Variants in PDS5B observed in about 807,000 individuals in gnomAD.
The protein encoded by PDS5B is sister chromatid cohesion protein PDS5 homolog B.
PDS5B carries 51 observed loss-of-function variants against 184.1 expected under a neutral mutation model. The ratio of observed to expected loss-of-function variants is 0.28; its 90% CI spans 0.22 to 0.35. The LOEUF (loss-of-function observed/expected upper bound fraction) is 0.35. Among genes scored for constraint, PDS5B ranks in the 10% least tolerant of loss-of-function variants. The pLI is 1.00. For missense variants in PDS5B, 1,180 were observed against 1,723.3 expected (o/e 0.68, Z 5.58); for synonymous variants, 566 against 569.2 (o/e 0.99, Z 0.08).
chr13:32,758,447 T>C (rs1483692388), intron 27 of PDS5B, 87 bp from the exon 28 acceptor site: 5 of 1,307,196 alleles, frequency 3.8e-6, no homozygotes, highest in Non-Finnish European at 5.4e-6. Context: ...CTATTCAGAC[T>C]GGATTCATGT....
intron 1 of PDS5B, among the ~76,000 whole-genome samples, chr13:32,615,144 G>C (rs1049606670): frequency 9.9e-5 from 15 of 152,070 alleles, no homozygotes; most frequent in African/African-American, 3.6e-4. Flanking sequence ...TTTTGTGATA[G>C]CATGTTTTGT....
intron 1 of PDS5B, among the ~76,000 whole-genome samples, chr13:32,599,049 C>T (rs1331123599): frequency 6.6e-6 from 1 of 152,130 alleles, no homozygotes; most frequent in East Asian, 1.9e-4. Flanking sequence ...GGATTACAGG[C>T]GTGAGCCACC....
chr13:32,655,374 A>ATATATATATATATTTTTTT, intron 3 of PDS5B, among the ~76,000 whole-genome samples: 7 of 72,458 alleles, frequency 9.7e-5, no homozygotes, highest in African/African-American at 4.1e-4. Context: ...ATATATATAT[A>ATATATATATATATTTTTTT]TTTTTTTTTT....
chr13:32,742,861 T>A, intron 23 of PDS5B, 134 bp downstream of exon 23: 1 of 777,828 alleles, frequency 1.3e-6, no homozygotes, highest in Non-Finnish European at 2.1e-6. Context: ...ATATTTTTAC[T>A]GGAATATGCT....
chr13:32,654,324 T>C (rs1044328634), intron 3 of PDS5B, among the ~76,000 whole-genome samples: 1 of 152,210 alleles, frequency 6.6e-6, no homozygotes, highest in Non-Finnish European at 1.5e-5. Flanking sequence ...CAGTTAGTTA[T>C]TGTCATCAGC....
chr13:32,656,276 T>C (rs946503260), intron 3 of PDS5B, among the ~76,000 whole-genome samples: 41 of 147,502 alleles, frequency 2.8e-4, no homozygotes, highest in East Asian at 1.6e-3. Context: ...CCAGCTTCTT[T>C]TTTTTTTTTT....
intron 14 of PDS5B, 34 bp from the exon 15 acceptor site, chr13:32,696,820 A>AT: frequency 6.6e-7 from 1 of 1,525,340 alleles, no homozygotes; most frequent in Non-Finnish European, 9.0e-7. Flanking sequence ...TTGTTAGGGA[A>AT]TTTTAATTTT....
At position 32,710,028 on chromosome 13, in the gene PDS5B, A is replaced by G. The variant is rs1184067850; in HGVS notation, c.2045A>G (p.Glu682Gly). 1 of 1,553,422 alleles carries G rather than the reference A, an allele frequency of 6.4e-7. No individual in the cohort carries two copies. The highest frequency in any genetic ancestry group is 1.7e-4 in the Middle Eastern group (1 of 5,852). Residue 682 changes from glutamate (E) to glycine (G), a missense_variant, in exon 19 of 35, where the codon GAA (glutamate) becomes GGA (glycine). Transcript: ENST00000315596. ...CTGGCTTGTCTGAAAATGGATGATG[A>G]AAAAGTAGCAGAAGCTGCACTACAA... ...SLLACLKMDDEKVAEAALQIF... is the reference protein window; with the variant it reads ...SLLACLKMDDGKVAEAALQIF...
intron 31 of PDS5B, among the ~76,000 whole-genome samples, chr13:32,766,767 G>A (rs1295154996): frequency 3.3e-5 from 5 of 152,064 alleles, no homozygotes; most frequent in South Asian, 4.1e-4. Flanking sequence ...AATGCAAAAT[G>A]AAAAAGAAAT....
chr13:32,710,763 TACCTCATC>T, intron 19 of PDS5B, among the ~76,000 whole-genome samples: 1 of 152,350 alleles, frequency 6.6e-6, no homozygotes, highest in East Asian at 1.9e-4. Context: ...CTTTCACCTC[TACCTCATC>T]ACTTCTGGCT....
At chr13:32,621,347 A>G (rs932522978) in intron 1 of PDS5B, among the ~76,000 whole-genome samples, 4 of 152,146 alleles carry the variant, frequency 2.6e-5, no homozygotes, top group Admixed American at 6.5e-5. Context: ...TCCTGTAGCA[A>G]TCTCAGCTAC....
At chr13:32,590,204 TTAAAG>T (rs1443602854) in intron 1 of PDS5B, among the ~76,000 whole-genome samples, 1 of 152,234 alleles carries the variant, frequency 6.6e-6, no homozygotes, top group Non-Finnish European at 1.5e-5. Flanking sequence ...GAAAGACTGA[TTAAAG>T]TAAGAAACTA....
In PDS5B at chr13:32,701,436, C is replaced by G; in HGVS notation, c.1854C>G (p.Ile618Met). Residue 618 changes from isoleucine (I) to methionine (M), a missense_variant and splice_region_variant, in exon 17 of 35, where the codon ATC becomes ATG. Ile to Met is a conservative substitution (Grantham distance 10). Coordinates refer to ENST00000315596, the MANE Select transcript of PDS5B (RefSeq NM_015032.4). ...CTGTGCACATAGATACCGAATCTAT[C>G]AGGTATTTGTATATAAAATACTAAG... ...IAPVHIDTES[I>M]SALIKQVNKS... 2 of 1,530,434 alleles carry G rather than the reference C, an allele frequency of 1.3e-6. No individual in the cohort carries two copies. Among genetic ancestry groups the G allele is most frequent in the Non-Finnish European group, 9.0e-7 (1 of 1,108,804 alleles). 94.8% of individuals were successfully genotyped at this position (1,530,434 alleles called of 1,614,324 possible).
intron 1 of PDS5B, among the ~76,000 whole-genome samples, chr13:32,647,488 C>T (rs902387974): frequency 4.6e-5 from 7 of 152,116 alleles, no homozygotes; most frequent in African/African-American, 1.7e-4. Flanking sequence ...CCAGGCTGTT[C>T]TTAAACTTTG....
chr13:32,644,995 C>G (rs1950182785), intron 1 of PDS5B, among the ~76,000 whole-genome samples: 1 of 152,050 alleles, frequency 6.6e-6, no homozygotes, highest in African/African-American at 2.4e-5. Flanking sequence ...TTTATTTTCT[C>G]TGATTGTTCT....
intron 31 of PDS5B, among the ~76,000 whole-genome samples, chr13:32,769,696 A>G (rs1318080115): frequency 2.0e-5 from 3 of 152,212 alleles, no homozygotes; most frequent in Non-Finnish European, 4.4e-5. Flanking sequence ...AGCATGTCAT[A>G]TAGTTAATAT....
chr13:32,676,006 G>T, intron 9 of PDS5B, 47 bp downstream of exon 9: 3 of 1,053,236 alleles, frequency 2.8e-6, no homozygotes, highest in South Asian at 2.7e-5. Context: ...TTATTCTACT[G>T]ACCGTTTTTT....
At chr13:32,724,288 A>T (rs1315871245) in intron 19 of PDS5B, among the ~76,000 whole-genome samples, 3 of 150,998 alleles carry the variant, frequency 2.0e-5, no homozygotes, top group African/African-American at 7.3e-5. Flanking sequence ...TTTTTTTTTT[A>T]AACTTTTTGT....
chr13:32,742,823 A>G (rs565228790), intron 23 of PDS5B, 96 bp downstream of exon 23: 2 of 1,073,602 alleles, frequency 1.9e-6, no homozygotes, highest in African/African-American at 1.6e-5. Flanking sequence ...TTTTTTTTTT[A>G]AATTAGAATT....
Sources: gnomAD v4.1 joint callset for allele counts (sites outside exome capture counted in the v4.1 genomes callset) on GRCh38, gnomAD v4.1.1 for gene constraint, MANE v1.5 for transcripts, NCBI Gene and HGNC (gene_info 2026-07-23, HGNC 2026-07-21) for gene names.